BTBD9: variants seen among roughly 807,000 people sequenced by gnomAD.
BTBD9 encodes BTB domain containing 9, also known as BTB/POZ domain-containing protein 9.
A neutral mutation model predicts 64.3 loss-of-function variants in BTBD9; 49 were observed. The ratio of observed to expected loss-of-function variants is 0.76; its 90% CI spans 0.61 to 0.97. The LOEUF (loss-of-function observed/expected upper bound fraction) is 0.97, where lower values mean the gene tolerates loss of function less well. Among genes scored for constraint, BTBD9 ranks in the 50% least tolerant of loss-of-function variants. BTBD9 has a pLI of 0.00. For synonymous variants in BTBD9, 260 were observed against 274.7 expected, an observed-to-expected ratio of 0.95 and a Z score of 0.53; for missense variants, 598 against 762.1, an observed-to-expected ratio of 0.78 and a Z score of 2.53.
At chr6:38,368,812 G>C (rs182911804) in intron 6 of BTBD9, among the ~76,000 whole-genome samples, 4 of 152,174 alleles carry the variant, frequency 2.6e-5, no homozygotes, top group Non-Finnish European at 5.9e-5. Flanking sequence ...CTCTCCTTAG[G>C]TGACTGCACA....
chr6:38,370,615 G>C (rs1765378497), intron 6 of BTBD9, among the ~76,000 whole-genome samples: 1 of 152,112 alleles, frequency 6.6e-6, no homozygotes, highest in African/African-American at 2.4e-5. Context: ...TATTTACACA[G>C]CTATTCATCT....
At chr6:38,405,690 T>G (rs978811327) in intron 6 of BTBD9, among the ~76,000 whole-genome samples, 1 of 152,108 alleles carries the variant, frequency 6.6e-6, no homozygotes, top group African/African-American at 2.4e-5. Flanking sequence ...ACCTTCAAAT[T>G]ATTTTATCCA....
intron 6 of BTBD9, among the ~76,000 whole-genome samples, chr6:38,410,514 G>T (rs1468013881): frequency 6.6e-6 from 1 of 152,056 alleles, no homozygotes; most frequent in African/African-American, 2.4e-5. Flanking sequence ...TAATGTTAAT[G>T]GAATAATCTC....
intron 9 of BTBD9, among the ~76,000 whole-genome samples, chr6:38,237,970 T>C (rs1763839264): frequency 6.6e-6 from 1 of 152,168 alleles, no homozygotes; most frequent in Non-Finnish European, 1.5e-5. Context: ...AGTCCCTGTC[T>C]CTATTTAAAA....
chr6:38,417,295 C>T (rs970955271), intron 6 of BTBD9, among the ~76,000 whole-genome samples: 2 of 152,188 alleles, frequency 1.3e-5, no homozygotes, highest in Non-Finnish European at 2.9e-5. Flanking sequence ...CTGTAGTTAG[C>T]CCTGTAGACA....
At chr6:38,214,437 G>A (rs1762940264) in intron 9 of BTBD9, among the ~76,000 whole-genome samples, 1 of 152,256 alleles carries the variant, frequency 6.6e-6, no homozygotes, top group Non-Finnish European at 1.5e-5. Context: ...CATATGTTAA[G>A]TACATACATT....
At chr6:38,257,755 C>T (rs1764643067) in intron 8 of BTBD9, among the ~76,000 whole-genome samples, 1 of 152,058 alleles carries the variant, frequency 6.6e-6, no homozygotes, top group Admixed American at 6.6e-5. Flanking sequence ...TTACATGAAG[C>T]TCAAAGCAGA....
At chr6:38,239,270 T>A (rs1181828830) in intron 9 of BTBD9, among the ~76,000 whole-genome samples, 1 of 151,836 alleles carries the variant, frequency 6.6e-6, no homozygotes, top group Non-Finnish European at 1.5e-5. Flanking sequence ...TGAAACCCTG[T>A]CTCTACTAAA....
At chr6:38,627,768 G>A (rs1265629812) in intron 1 of BTBD9, among the ~76,000 whole-genome samples, 2 of 152,030 alleles carry the variant, frequency 1.3e-5, no homozygotes, top group Non-Finnish European at 2.9e-5. Flanking sequence ...CGCTCAATGA[G>A]ATGTTACAAA....
chr6:38,186,943 T>C (rs1218434057), intron 10 of BTBD9, among the ~76,000 whole-genome samples: 1 of 152,208 alleles, frequency 6.6e-6, no homozygotes, highest in Non-Finnish European at 1.5e-5. Flanking sequence ...CCCACGTTTT[T>C]ATAAAAGCCA....
intron 8 of BTBD9, among the ~76,000 whole-genome samples, chr6:38,274,591 G>T (rs1230609390): frequency 6.6e-6 from 1 of 152,188 alleles, no homozygotes. Context: ...TAGCATGAAG[G>T]ATTGTTGAAT....
chr6:38,409,736 A>G (rs930027810), intron 6 of BTBD9, among the ~76,000 whole-genome samples: 2 of 152,118 alleles, frequency 1.3e-5, no homozygotes, highest in South Asian at 4.1e-4. Flanking sequence ...AGGCAGGAGA[A>G]TCTCTTGAAC....
intron 6 of BTBD9, among the ~76,000 whole-genome samples, chr6:38,464,067 G>C (rs1770228788): frequency 6.6e-6 from 1 of 151,964 alleles, no homozygotes; most frequent in Non-Finnish European, 1.5e-5. Flanking sequence ...AGTTCGTTAG[G>C]GTAGGCTCTA....
At chr6:38,502,328 A>G (rs1349782917) in intron 6 of BTBD9, among the ~76,000 whole-genome samples, 1 of 152,048 alleles carries the variant, frequency 6.6e-6, no homozygotes, top group Non-Finnish European at 1.5e-5. Context: ...ATATGAGTAC[A>G]TTTTTTTTCC....
intron 9 of BTBD9, among the ~76,000 whole-genome samples, chr6:38,206,144 C>T (rs756489778): frequency 6.6e-6 from 1 of 151,280 alleles, no homozygotes; most frequent in Non-Finnish European, 1.5e-5. Context: ...TCTGACAACA[C>T]AAATTGTGTT....
At chr6:38,234,630 A>G (rs1240802958) in intron 9 of BTBD9, among the ~76,000 whole-genome samples, 1 of 152,222 alleles carries the variant, frequency 6.6e-6, no homozygotes, top group African/African-American at 2.4e-5. Flanking sequence ...TTATTTTAAT[A>G]AAAACAGCCC....
chr6:38,488,859 T>C (rs182303879), intron 6 of BTBD9, among the ~76,000 whole-genome samples: 133 of 151,466 alleles, frequency 8.8e-4, no homozygotes, highest in African/African-American at 2.7e-3. Context: ...CATCCAATAA[T>C]AAAATATTTT....
At chr6:38,325,496 T>A (rs1189602940) in intron 7 of BTBD9, among the ~76,000 whole-genome samples, 2 of 152,118 alleles carry the variant, frequency 1.3e-5, no homozygotes, top group African/African-American at 4.8e-5. Flanking sequence ...CCATCCTGGC[T>A]AACATGGTGA....
intron 1 of BTBD9, among the ~76,000 whole-genome samples, chr6:38,638,922 G>A (rs1446532809): frequency 2.0e-5 from 3 of 152,168 alleles, no homozygotes; most frequent in Admixed American, 6.5e-5. Flanking sequence ...ACAGGGCTGA[G>A]GATGAGCTAC....
Sources: allele counts gnomAD v4.1 joint callset (sites outside exome capture counted in the v4.1 genomes callset), GRCh38; gene constraint gnomAD v4.1.1; transcripts MANE v1.5; gene names NCBI Gene and HGNC (gene_info 2026-07-23, HGNC 2026-07-21).